Variants in CD2AP observed in about 807,000 individuals in gnomAD.
The protein encoded by CD2AP is CD2 associated protein, also known as CD2-associated protein.
CD2AP carries 46 observed loss-of-function variants against 85.1 expected under a neutral mutation model. The observed-to-expected ratio is 0.54, with a 90% confidence interval of 0.43 to 0.69. CD2AP has a LOEUF of 0.69. Ranked by LOEUF, CD2AP falls within the 30% of genes least tolerant of loss-of-function variation. The pLI, the probability that CD2AP is intolerant of heterozygous loss-of-function variation, is 0.00. For synonymous variants in CD2AP, 255 were observed against 252.9 expected, an observed-to-expected ratio of 1.01 and a Z score of -0.08; for missense variants, 769 against 729.5, an observed-to-expected ratio of 1.05 and a Z score of -0.62.
intron 11 of CD2AP, among the ~76,000 whole-genome samples, chr6:47,583,878 CT>C (rs1768550552): frequency 6.6e-6 from 1 of 152,214 alleles, no homozygotes; most frequent in Non-Finnish European, 1.5e-5. Flanking sequence ...TGTACTCCCC[CT>C]AGTAATCAGT....
intron 11 of CD2AP, among the ~76,000 whole-genome samples, chr6:47,589,097 G>A (rs905936282): frequency 2.0e-5 from 3 of 151,986 alleles, no homozygotes; most frequent in Admixed American, 6.6e-5. Flanking sequence ...TGATTATGAC[G>A]ATGGGGAAAT....
rs565201562 is a variant in CD2AP at position 47,535,842 on chromosome 6, T to A, written c.319+2087T>A. On this transcript the variant is annotated intron_variant, in intron 3 of 17. Coordinates refer to ENST00000359314, the MANE Select transcript of CD2AP (RefSeq NM_012120.3). ...TTCATGACCTCTGTCCATAGTAAAA[T>A]CCATTTACAACTTTCTTTCACTCTA... Among the ~76,000 whole-genome samples the A allele has an allele frequency of 2.7e-3, 406 of 152,280 alleles. 3 individuals are homozygous for A. Among genetic ancestry groups the A allele is most frequent in the Non-Finnish European group, 5.0e-3 (343 of 68,018 alleles).
intron 17 of CD2AP, among the ~76,000 whole-genome samples, chr6:47,622,757 C>G (rs2114167244): frequency 6.6e-6 from 1 of 152,260 alleles, no homozygotes; most frequent in East Asian, 1.9e-4. Context: ...CTCGGGATTG[C>G]TGGTTTGTTC....
chr6:47,610,971 A>T lies in CD2AP; in HGVS notation c.1815-1502A>T, dbSNP rs199761911. On this transcript the variant is annotated intron_variant, in intron 16 of 17. Coordinates refer to ENST00000359314, the MANE Select transcript of CD2AP (RefSeq NM_012120.3). ...GATTTATATATATATATATATATGT[A>T]TTTTTTTTTTTTTTTGAATATAAAA... Among the ~76,000 whole-genome samples, 932 of 112,864 alleles carry T rather than the reference A, an allele frequency of 8.3e-3. 7 individuals are homozygous for T. Among genetic ancestry groups the T allele is most frequent in the South Asian group, 0.015 (54 of 3,516 alleles). The allele number at this position is 112,864 out of a possible 152,430, so 74.0% of individuals were successfully genotyped here.
intron 3 of CD2AP, among the ~76,000 whole-genome samples, chr6:47,540,011 C>G (rs1169132442): frequency 1.2e-5 from 1 of 84,196 alleles, no homozygotes; most frequent in African/African-American, 3.7e-5. Context: ...AACCCCATCT[C>G]TACAAAAAAA....
At chr6:47,618,654 T>C (rs965124521) in intron 17 of CD2AP, among the ~76,000 whole-genome samples, 2 of 152,262 alleles carry the variant, frequency 1.3e-5, no homozygotes, top group Non-Finnish European at 2.9e-5. Context: ...CATACATGTT[T>C]ATATTCATAT....
chr6:47,572,264 G>A (rs1263411788), intron 5 of CD2AP, among the ~76,000 whole-genome samples: 1 of 152,148 alleles, frequency 6.6e-6, no homozygotes, highest in Admixed American at 6.5e-5. Context: ...TCATGCCTGC[G>A]CCCGGATCCA....
chr6:47,594,104 A>T (rs1393784480), intron 11 of CD2AP, among the ~76,000 whole-genome samples: 1 of 152,124 alleles, frequency 6.6e-6, no homozygotes, highest in Non-Finnish European at 1.5e-5. Context: ...TAGAAGATAG[A>T]AGGCAGGTTG....
chr6:47,547,486 CTATA>C, intron 4 of CD2AP, among the ~76,000 whole-genome samples: 1 of 151,270 alleles, frequency 6.6e-6, no homozygotes. Flanking sequence ...TATCACAATT[CTATA>C]TATATATATG....
At chr6:47,577,274 C>A (rs192727786) in intron 8 of CD2AP, among the ~76,000 whole-genome samples, 171 bp downstream of exon 8, 2 of 152,116 alleles carry the variant, frequency 1.3e-5, no homozygotes, top group African/African-American at 2.4e-5. Context: ...GTGCTCAGAA[C>A]GTTCTCTTTT....
At chr6:47,589,473 C>T (rs28451770) in intron 11 of CD2AP, among the ~76,000 whole-genome samples, 2 of 149,030 alleles carry the variant, frequency 1.3e-5, no homozygotes, top group African/African-American at 2.5e-5. Flanking sequence ...TATACACACA[C>T]ATATACACAT....
chr6:47,579,352 C>T (rs776508783), intron 8 of CD2AP, 33 bp from the exon 9 acceptor site: 8 of 832,746 alleles, frequency 9.6e-6, no homozygotes, highest in Admixed American at 2.2e-5. Context: ...AAAAAAAGGT[C>T]TATTGTCTTA....
At position 47,585,015 on chromosome 6, in the gene CD2AP, C is replaced by T. The variant is rs1286973521; in HGVS notation, c.1108+2950C>T. Among the ~76,000 whole-genome samples the T allele has an allele frequency of 4.6e-5, 7 of 151,932 alleles. 1 individual carries two copies. The highest frequency in any genetic ancestry group is 4.2e-4 in the South Asian group (2 of 4,814). On this transcript the variant is annotated intron_variant, in intron 11 of 17. Transcript: ENST00000359314. Reference sequence around the variant, plus strand: ...TTGTTCTTATAAATAAATTGGAGGCCGGGCGCGGTGTCTTACGCCTGTAAT... The same window carrying T: ...TTGTTCTTATAAATAAATTGGAGGCTGGGCGCGGTGTCTTACGCCTGTAAT...
intron 17 of CD2AP, among the ~76,000 whole-genome samples, chr6:47,618,756 A>T (rs1769666011): frequency 6.6e-6 from 1 of 152,222 alleles, no homozygotes; most frequent in Non-Finnish European, 1.5e-5. Context: ...GACAAGAGTC[A>T]AATTGTTTCT....
At chr6:47,615,364 T>C (rs1769548431) in intron 17 of CD2AP, among the ~76,000 whole-genome samples, 1 of 152,160 alleles carries the variant, frequency 6.6e-6, no homozygotes, top group African/African-American at 2.4e-5. Context: ...AAGAAATACC[T>C]GAGACTGGAT....
chr6:47,624,383 T>A lies in CD2AP; in HGVS notation c.*156T>A. 1 of 623,656 alleles carries A rather than the reference T, an allele frequency of 1.6e-6. No individual in the cohort carries two copies. Among genetic ancestry groups the A allele is most frequent in the South Asian group, 2.1e-5 (1 of 48,576 alleles). 38.6% of individuals were successfully genotyped at this position (623,656 alleles called of 1,614,324 possible). On this transcript the variant is annotated 3_prime_UTR_variant, in exon 18 of 18. Coordinates refer to ENST00000359314, the MANE Select transcript of CD2AP (RefSeq NM_012120.3). ...ATAGAAAAGTAGAGTGAGGGTGAAT[T>A]TATATATATATTTTGTTTTGCCAAT... is the stretch of plus-strand genomic sequence containing the variant.
chr6:47,606,203 T>C lies in CD2AP; in HGVS notation c.1456T>C (p.Leu486=). The C allele has an allele frequency of 6.2e-7, 1 of 1,610,614 alleles. No homozygotes were observed. Among genetic ancestry groups the C allele is most frequent in the Non-Finnish European group, 8.5e-7 (1 of 1,176,988 alleles). Residue 486 remains leucine, a synonymous_variant, in exon 14 of 18, where the codon TTG becomes CTG. Transcript: ENST00000359314. ...TGATGACATAGCTTCCTCAGAAAAC[T>C]TGCTTCATCTCACTGCAAATAGACC... ...NFDDIASSEN[L]LHLTANRPKM... is the part of the protein sequence containing the mutation.
intron 2 of CD2AP, among the ~76,000 whole-genome samples, chr6:47,505,235 C>T (rs549874723): frequency 1.9e-3 from 273 of 146,276 alleles, no homozygotes; most frequent in African/African-American, 6.6e-3. Flanking sequence ...TGACTCTTAA[C>T]GAGCATGCTG....
chr6:47,615,129 G>A (rs1769543608), intron 17 of CD2AP, among the ~76,000 whole-genome samples: 1 of 152,042 alleles, frequency 6.6e-6, no homozygotes, highest in Non-Finnish European at 1.5e-5. Flanking sequence ...TCAGCAGTTT[G>A]TAGAACAAGA....
Sources: gnomAD v4.1 joint callset for allele counts (sites outside exome capture counted in the v4.1 genomes callset) on GRCh38, gnomAD v4.1.1 for gene constraint, MANE v1.5 for transcripts, NCBI Gene and HGNC (gene_info 2026-07-23, HGNC 2026-07-21) for gene names.